Variants in ERC2 observed in about 807,000 individuals in gnomAD.
ERC2 encodes ERC protein 2.
Under a neutral mutation model 114.8 loss-of-function variants are expected in ERC2, and 42 were observed. That is an observed-to-expected ratio of 0.37 (90% confidence interval 0.29 to 0.47). The LOEUF (loss-of-function observed/expected upper bound fraction) is 0.47, where lower values mean the gene tolerates loss of function less well. Among genes scored for constraint, ERC2 ranks in the 20% least tolerant of loss-of-function variants. ERC2 has a pLI of 0.99. For synonymous variants in ERC2, 454 were observed against 425.5 expected (o/e 1.07, Z -0.82); for missense variants, 939 against 1,150.7 (o/e 0.82, Z 2.66).
At chr3:55,943,232 G>C (rs1009470972) in intron 13 of ERC2, among the ~76,000 whole-genome samples, 2 of 152,108 alleles carry the variant, frequency 1.3e-5, no homozygotes, top group Admixed American at 1.3e-4. Context: ...AAAGTAAGAA[G>C]GTATGCTGTC....
chr3:56,049,269 G>A (rs1255855524), intron 7 of ERC2, among the ~76,000 whole-genome samples: 1 of 152,200 alleles, frequency 6.6e-6, no homozygotes, highest in Non-Finnish European at 1.5e-5. Flanking sequence ...CGGCTGATAG[G>A]AAGCCCCCAC....
chr3:55,995,644 T>A (rs1313318553), intron 10 of ERC2, among the ~76,000 whole-genome samples: 1 of 152,130 alleles, frequency 6.6e-6, no homozygotes, highest in Non-Finnish European at 1.5e-5. Context: ...GGAAGGCTGG[T>A]GAGTCCCCAG....
Position 55,733,536 on chromosome 3 carries a change from T to TCACA in ERC2, c.2712+1234_2712+1235insTGTG, listed in dbSNP as rs1388408863. Among the ~76,000 whole-genome samples, 244 of 68,614 alleles carry TCACA rather than the reference T, an allele frequency of 3.6e-3. 4 individuals are homozygous for TCACA. The highest frequency in any genetic ancestry group is 0.019 in the Middle Eastern group (2 of 106). The allele number at this position is 68,614 out of a possible 152,430, so 45.0% of individuals were successfully genotyped here. ...TTCTCTCTGTCTCTCATTCTTTCTC[T>TCACA]CTCTCTCACACACACACACACACAC... On this transcript the variant is annotated intron_variant, in intron 15 of 17. Transcript: ENST00000288221.
chr3:55,794,084 T>C (rs891204806), intron 14 of ERC2, among the ~76,000 whole-genome samples: 30 of 152,228 alleles, frequency 2.0e-4, no homozygotes, highest in African/African-American at 7.2e-4. Context: ...AGTTGCACTT[T>C]AATGTTATGG....
At chr3:55,820,462 G>A (rs1039485925) in intron 14 of ERC2, among the ~76,000 whole-genome samples, 5 of 152,278 alleles carry the variant, frequency 3.3e-5, no homozygotes, top group South Asian at 2.1e-4. Context: ...ATCAACTCAC[G>A]TGAGCTCATA....
Position 55,801,362 on chromosome 3 carries a change from A to C in ERC2, c.2565-66444T>G, listed in dbSNP as rs147400632. On this transcript the variant is annotated intron_variant, in intron 14 of 17. Coordinates refer to ENST00000288221, the MANE Select transcript of ERC2 (RefSeq NM_015576.3). ...GGGCTCAGAAAAACTGTTTATAAGA[A>C]TATTTTCTGGTAACCAGGGAGAAAG... Among the ~76,000 whole-genome samples the C allele has an allele frequency of 3.0e-3, 457 of 152,288 alleles. 4 individuals are homozygous for C. Among genetic ancestry groups the C allele is most frequent in the African/African-American group, 0.01 (435 of 41,556 alleles).
At chr3:55,806,806 T>C (rs920518405) in intron 14 of ERC2, among the ~76,000 whole-genome samples, 1 of 152,168 alleles carries the variant, frequency 6.6e-6, no homozygotes, top group African/African-American at 2.4e-5. Context: ...TACCCCTAAG[T>C]AGCCAACTGA....
intron 2 of ERC2, among the ~76,000 whole-genome samples, chr3:56,305,036 A>T (rs1258843015): frequency 6.6e-6 from 1 of 152,174 alleles, no homozygotes; most frequent in African/African-American, 2.4e-5. Context: ...ATTCAAAAGA[A>T]GGAAAGTTCT....
chr3:55,525,212 TAC>T (rs2053232055), intron 17 of ERC2, among the ~76,000 whole-genome samples: 1 of 152,248 alleles, frequency 6.6e-6, no homozygotes, highest in Non-Finnish European at 1.5e-5. Context: ...GTGGCTGGGA[TAC>T]AGTTATAATT....
intron 13 of ERC2, among the ~76,000 whole-genome samples, chr3:55,943,753 G>A (rs1178951179): frequency 6.6e-6 from 1 of 152,120 alleles, no homozygotes; most frequent in Non-Finnish European, 1.5e-5. Context: ...TTGACTAAAC[G>A]AATCATCAGC....
intron 7 of ERC2, among the ~76,000 whole-genome samples, chr3:56,046,169 C>G (rs2075445733): frequency 6.6e-6 from 1 of 152,144 alleles, no homozygotes; most frequent in South Asian, 2.1e-4. Flanking sequence ...CAAACTGAGT[C>G]TGGAAAATAA....
chr3:55,925,387 G>A (rs2065687318), intron 13 of ERC2, among the ~76,000 whole-genome samples: 1 of 152,174 alleles, frequency 6.6e-6, no homozygotes, highest in Non-Finnish European at 1.5e-5. Context: ...CATAATCTAA[G>A]CAAGAGAAGA....
At chr3:55,926,076 T>G (rs1175415386) in intron 13 of ERC2, among the ~76,000 whole-genome samples, 1 of 152,208 alleles carries the variant, frequency 6.6e-6, no homozygotes, top group Non-Finnish European at 1.5e-5. Flanking sequence ...CTATTTAGGT[T>G]TATGAATTAT....
chr3:55,892,278 G>C (rs1348119267), intron 13 of ERC2, among the ~76,000 whole-genome samples: 1 of 152,264 alleles, frequency 6.6e-6, no homozygotes, highest in Non-Finnish European at 1.5e-5. Context: ...GCCAGGGCCA[G>C]TGGATCATTT....
At chr3:55,658,229 C>G (rs565039801) in intron 17 of ERC2, 2 of 152,378 alleles carry the variant, frequency 1.3e-5, no homozygotes, top group Admixed American at 6.5e-5. Context: ...CTTCTGACTT[C>G]ATTTTCAGGT....
intron 14 of ERC2, among the ~76,000 whole-genome samples, chr3:55,828,074 T>C (rs946420700): frequency 2.0e-5 from 3 of 152,252 alleles, no homozygotes; most frequent in Middle Eastern, 3.4e-3. Context: ...TCTGGAAAAA[T>C]CACGTAAGTA....
intron 15 of ERC2, among the ~76,000 whole-genome samples, chr3:55,721,930 T>C (rs1203390749): frequency 6.6e-6 from 1 of 152,088 alleles, no homozygotes; most frequent in Non-Finnish European, 1.5e-5. Flanking sequence ...ATTCTAGGAG[T>C]GCTGGGCCAT....
chr3:55,896,549 CAAT>C (rs1276523765), intron 13 of ERC2, among the ~76,000 whole-genome samples: 1 of 152,166 alleles, frequency 6.6e-6, no homozygotes, highest in African/African-American at 2.4e-5. Flanking sequence ...ATTCACCAGA[CAAT>C]AATATTTCCT....
intron 17 of ERC2, among the ~76,000 whole-genome samples, chr3:55,630,358 G>A (rs562808544): frequency 2.0e-4 from 30 of 152,170 alleles, no homozygotes; most frequent in African/African-American, 6.3e-4. Context: ...TAGTAGAGAC[G>A]GGGTTTCTCC....
Sources: allele counts gnomAD v4.1 joint callset (sites outside exome capture counted in the v4.1 genomes callset), GRCh38; gene constraint gnomAD v4.1.1; transcripts MANE v1.5; gene names NCBI Gene and HGNC (gene_info 2026-07-23, HGNC 2026-07-21).